Variants in LARGE1 observed in about 807,000 individuals in gnomAD.
The protein encoded by LARGE1 is xylosyl- and glucuronyltransferase LARGE1.
LARGE1 carries 43 observed loss-of-function variants against 87.6 expected under a neutral mutation model. That is an observed-to-expected ratio of 0.49 (90% CI 0.38 to 0.63). LARGE1 has a LOEUF of 0.63. Ranked by LOEUF, LARGE1 falls within the 30% of genes least tolerant of loss-of-function variation. The pLI is 0.00. For synonymous variants in LARGE1, 434 were observed against 394.6 expected, an observed-to-expected ratio of 1.10 and a Z score of -1.18; for missense variants, 802 against 1,000.2, an observed-to-expected ratio of 0.80 and a Z score of 2.67.
intron 1 of LARGE1, among the ~76,000 whole-genome samples, chr22:33,838,507 A>G (rs1436691826): frequency 6.6e-6 from 1 of 152,118 alleles, no homozygotes; most frequent in Non-Finnish European, 1.5e-5. Context: ...GATGTTGTTG[A>G]GCATGCCTGC....
In LARGE1 at chr22:33,273,621, G is replaced by A. The variant is rs946833390; in HGVS notation, c.*806C>T. The A allele has an allele frequency of 4.8e-5, 19 of 398,626 alleles. No individual in the cohort carries two copies. The highest frequency in any genetic ancestry group is 7.1e-5 in the Non-Finnish European group (16 of 226,250). 24.7% of individuals were successfully genotyped at this position (398,626 alleles called of 1,614,324 possible). A position where few individuals can be genotyped will look rare whatever the true frequency, so the allele number is the denominator to read the frequency against. On this transcript the variant is annotated 3_prime_UTR_variant, in exon 15 of 15. Transcript: ENST00000397394. Reference sequence around the variant, plus strand: ...TGGAGAGTAGGGAGTTCAAAGTCACGGGAGCCTCGGTGATCATCCTGAAGG... The same window carrying A: ...TGGAGAGTAGGGAGTTCAAAGTCACAGGAGCCTCGGTGATCATCCTGAAGG...
chr22:33,803,767 C>T (rs777297644), intron 1 of LARGE1, among the ~76,000 whole-genome samples: 36 of 152,320 alleles, frequency 2.4e-4, no homozygotes, highest in South Asian at 6.2e-4. Flanking sequence ...ACGAGGGAAG[C>T]TCATTAGAGG....
chr22:33,076,665 A>C, the LARGE1 span, among the ~76,000 whole-genome samples: 3 of 152,212 alleles, frequency 2.0e-5, no homozygotes, highest in Non-Finnish European at 4.4e-5. Context: ...TAAAAGGGAA[A>C]GAGTTAGACT....
intron 7 of LARGE1, among the ~76,000 whole-genome samples, chr22:33,396,551 C>G (rs73405337): frequency 0.064 from 9,690 of 150,270 alleles, 951 homozygotes; most frequent in African/African-American, 0.21. Context: ...CATCTCAAAC[C>G]TTCCCTAACT....
intron 2 of LARGE1, among the ~76,000 whole-genome samples, chr22:33,683,746 C>T (rs1434736008): frequency 6.6e-6 from 1 of 152,132 alleles, no homozygotes; most frequent in African/African-American, 2.4e-5. Flanking sequence ...TACTAAATGA[C>T]AGAGATACTA....
intron 11 of LARGE1, among the ~76,000 whole-genome samples, chr22:33,178,815 T>C (rs1923013619): frequency 6.6e-6 from 1 of 152,186 alleles, no homozygotes; most frequent in Admixed American, 6.5e-5. Context: ...GTTGGCATCC[T>C]CCCATGTTTC....
At chr22:33,183,641 C>G (rs1196326087) in intron 11 of LARGE1, among the ~76,000 whole-genome samples, 1 of 151,700 alleles carries the variant, frequency 6.6e-6, no homozygotes, top group South Asian at 2.1e-4. Flanking sequence ...CACACACACA[C>G]ACACACACAC....
At chr22:33,198,086 A>G (rs1441333161) in intron 11 of LARGE1, among the ~76,000 whole-genome samples, 1 of 152,180 alleles carries the variant, frequency 6.6e-6, no homozygotes, top group Non-Finnish European at 1.5e-5. Flanking sequence ...ATTAGTTTGA[A>G]GCGGATCATA....
intron 2 of LARGE1, among the ~76,000 whole-genome samples, chr22:33,726,629 C>G (rs953820717): frequency 1.3e-5 from 2 of 152,208 alleles, no homozygotes; most frequent in Admixed American, 6.5e-5. Flanking sequence ...CCACCTGTGC[C>G]AAGCACTGAG....
intron 11 of LARGE1, among the ~76,000 whole-genome samples, chr22:33,187,713 T>C (rs1341324294): frequency 6.6e-6 from 1 of 151,662 alleles, no homozygotes; most frequent in Non-Finnish European, 1.5e-5. Flanking sequence ...GGTCAGGAGA[T>C]TGAGACCATC....
intron 6 of LARGE1, among the ~76,000 whole-genome samples, chr22:33,561,181 A>G (rs2077847382): frequency 6.6e-6 from 1 of 152,220 alleles, no homozygotes; most frequent in Admixed American, 6.5e-5. Flanking sequence ...AATGGTAGTT[A>G]GCTTTCCCTC....
chr22:33,117,101 A>C, the LARGE1 span, among the ~76,000 whole-genome samples: 1 of 152,234 alleles, frequency 6.6e-6, no homozygotes, highest in Non-Finnish European at 1.5e-5. Context: ...TGAAGTTCGC[A>C]TATCTTCTTG....
intron 2 of LARGE1, among the ~76,000 whole-genome samples, chr22:33,670,923 C>G (rs2081389389): frequency 6.6e-6 from 1 of 152,126 alleles, no homozygotes. Context: ...ATAGGTATTT[C>G]ATTTTACCTA....
intron 1 of LARGE1, among the ~76,000 whole-genome samples, chr22:33,829,136 G>A (rs1351638510): frequency 2.7e-5 from 4 of 149,290 alleles, no homozygotes; most frequent in Non-Finnish European, 5.9e-5. Flanking sequence ...AGCCTCCCTA[G>A]TAGCTGGGAT....
intron 9 of LARGE1, among the ~76,000 whole-genome samples, chr22:33,341,121 T>A (rs1418175155): frequency 6.6e-6 from 1 of 152,018 alleles, no homozygotes; most frequent in African/African-American, 2.4e-5. Context: ...GGAGGTGGGA[T>A]CTTCGAGAAG....
the LARGE1 span, among the ~76,000 whole-genome samples, chr22:33,092,986 C>T: frequency 6.6e-6 from 1 of 152,148 alleles, no homozygotes; most frequent in African/African-American, 2.4e-5. Flanking sequence ...TGGGTATATA[C>T]TCAGTAATGG....
intron 2 of LARGE1, among the ~76,000 whole-genome samples, chr22:33,687,715 G>C (rs577496629): frequency 6.6e-6 from 1 of 152,116 alleles, no homozygotes; most frequent in African/African-American, 2.4e-5. Context: ...AGGAGCGCTC[G>C]GGACCGATGC....
intron 1 of LARGE1, among the ~76,000 whole-genome samples, chr22:33,802,481 C>A (rs1268883464): frequency 1.3e-5 from 2 of 152,128 alleles, no homozygotes; most frequent in African/African-American, 2.4e-5. Flanking sequence ...AATCTTAAAG[C>A]CAAATGAAAA....
intron 6 of LARGE1, among the ~76,000 whole-genome samples, chr22:33,550,249 C>T (rs978088886): frequency 3.3e-5 from 5 of 151,842 alleles, no homozygotes; most frequent in Admixed American, 2.0e-4. Flanking sequence ...TTGGGCCAGT[C>T]GCTATTAACC....
Sources: allele counts gnomAD v4.1 joint callset (sites outside exome capture counted in the v4.1 genomes callset), GRCh38; gene constraint gnomAD v4.1.1; transcripts MANE v1.5; gene names NCBI Gene and HGNC (gene_info 2026-07-23, HGNC 2026-07-21).